The following FCHSD2 variants were observed in gnomAD, a reference collection of about 807,000 sequenced individuals.
The protein encoded by FCHSD2 is F-BAR and double SH3 domains protein 2.
Under a neutral mutation model 108.1 loss-of-function variants are expected in FCHSD2, and 38 were observed. That is an observed-to-expected ratio of 0.35 (90% CI 0.27 to 0.46). The LOEUF (loss-of-function observed/expected upper bound fraction) is 0.46, where lower values mean the gene tolerates loss of function less well. Among genes scored for constraint, FCHSD2 ranks in the 20% least tolerant of loss-of-function variants. FCHSD2 has a pLI of 1.00. For synonymous variants in FCHSD2, 279 were observed against 314.7 expected (o/e 0.89, Z 1.20); for missense variants, 751 against 897.8 (o/e 0.84, Z 2.09).
chr11:72,894,844 CAT>C (rs1855386625), intron 10 of FCHSD2, among the ~76,000 whole-genome samples: 1 of 151,998 alleles, frequency 6.6e-6, no homozygotes, highest in Admixed American at 6.6e-5. Flanking sequence ...TGAAAATATT[CAT>C]ATGTTTCACT....
At chr11:72,966,719 T>C (rs372631550) in intron 8 of FCHSD2, among the ~76,000 whole-genome samples, 3 of 152,178 alleles carry the variant, frequency 2.0e-5, no homozygotes, top group African/African-American at 7.2e-5. Context: ...AAGTTTATAG[T>C]ACACTAAAGG....
At chr11:73,070,147 T>C (rs1859398202) in intron 3 of FCHSD2, among the ~76,000 whole-genome samples, 1 of 152,224 alleles carries the variant, frequency 6.6e-6, no homozygotes, top group Admixed American at 6.5e-5. Flanking sequence ...TAAACAAAGA[T>C]GTTCCTAGCC....
At chr11:73,018,944 A>G (rs529117284) in intron 3 of FCHSD2, among the ~76,000 whole-genome samples, 4 of 152,324 alleles carry the variant, frequency 2.6e-5, no homozygotes, top group South Asian at 2.1e-4. Flanking sequence ...AATTAAGTCA[A>G]GATCTCAGAA....
rs1467714429 is a variant in FCHSD2, at chr11:72,970,940, G to A, written c.705+13148C>T. On this transcript the variant is annotated intron_variant, in intron 8 of 19. Coordinates refer to ENST00000409418, the MANE Select transcript of FCHSD2 (RefSeq NM_014824.3). ...CAGAAGCTCCAGCTGACAGCCTCGG[G>A]AAGGTCTGAGTCAATAGGCAGCATT... Among the ~76,000 whole-genome samples the A allele has an allele frequency of 3.9e-5, 6 of 152,146 alleles. No homozygotes were observed. The East Asian group carries it at 9.6e-4, about 24-fold the overall frequency.
intron 8 of FCHSD2, among the ~76,000 whole-genome samples, chr11:72,926,827 T>A (rs1856085535): frequency 6.6e-6 from 1 of 152,202 alleles, no homozygotes; most frequent in South Asian, 2.1e-4. Flanking sequence ...CTTTTGTTGA[T>A]AGTTTTGAAT....
intron 8 of FCHSD2, among the ~76,000 whole-genome samples, chr11:72,966,700 G>A (rs1856913362): frequency 6.6e-6 from 1 of 152,020 alleles, no homozygotes; most frequent in African/African-American, 2.4e-5. Context: ...ACACAATTTT[G>A]CTTTCATGAA....
At chr11:73,022,674 T>C (rs1271322295) in intron 3 of FCHSD2, among the ~76,000 whole-genome samples, 1 of 152,150 alleles carries the variant, frequency 6.6e-6, no homozygotes, top group East Asian at 1.9e-4. Flanking sequence ...CCCAATATGA[T>C]CTATACATTC....
At chr11:72,902,726 T>C (rs1286832598) in intron 9 of FCHSD2, 88 bp from the exon 10 acceptor site, 2 of 754,268 alleles carry the variant, frequency 2.7e-6, no homozygotes, top group African/African-American at 3.5e-5. Flanking sequence ...TCTGCTATTT[T>C]CTATACAAAT....
intron 8 of FCHSD2, among the ~76,000 whole-genome samples, chr11:72,934,787 A>C (rs866149306): frequency 6.6e-6 from 1 of 152,208 alleles, no homozygotes; most frequent in Non-Finnish European, 1.5e-5. Flanking sequence ...TAATTTATCC[A>C]AATATACTTA....
At chr11:73,103,033 C>T (rs190118694) in intron 2 of FCHSD2, among the ~76,000 whole-genome samples, 1 of 152,182 alleles carries the variant, frequency 6.6e-6, no homozygotes, top group Admixed American at 6.5e-5. Flanking sequence ...CTGTATGATT[C>T]CATTTATATG....
intron 8 of FCHSD2, among the ~76,000 whole-genome samples, chr11:72,939,966 C>T (rs781275182): frequency 3.5e-4 from 53 of 152,132 alleles, no homozygotes; most frequent in Non-Finnish European, 6.6e-4. Context: ...GGAGTTTCTT[C>T]GAGAACATCT....
intron 2 of FCHSD2, among the ~76,000 whole-genome samples, chr11:73,095,142 T>C (rs1860045951): frequency 6.6e-6 from 1 of 152,206 alleles, no homozygotes; most frequent in South Asian, 2.1e-4. Context: ...TGTTCTTATT[T>C]CTTATTAATT....
chr11:72,840,366 T>C (rs1292903837), intron 19 of FCHSD2, among the ~76,000 whole-genome samples: 1 of 152,198 alleles, frequency 6.6e-6, no homozygotes, highest in African/African-American at 2.4e-5. Context: ...TCCGACTGGA[T>C]TACCGTGCAA....
intron 13 of FCHSD2, among the ~76,000 whole-genome samples, chr11:72,859,433 C>T (rs1176485516): frequency 6.6e-6 from 1 of 152,140 alleles, no homozygotes; most frequent in Non-Finnish European, 1.5e-5. Context: ...TTAATACTGG[C>T]CCCAAAGCAC....
intron 4 of FCHSD2, among the ~76,000 whole-genome samples, chr11:73,009,013 A>T (rs1331028088): frequency 6.6e-6 from 1 of 152,004 alleles, no homozygotes; most frequent in Non-Finnish European, 1.5e-5. Context: ...ATTTACATAG[A>T]AAGGAATGAA....
intron 5 of FCHSD2, among the ~76,000 whole-genome samples, chr11:72,999,436 C>T (rs1427491632): frequency 2.0e-5 from 3 of 151,138 alleles, no homozygotes; most frequent in Middle Eastern, 3.2e-3. Context: ...TCTCCTGTCT[C>T]AGCCTCCCGA....
chr11:72,882,416 G>T (rs1421193123), intron 12 of FCHSD2, among the ~76,000 whole-genome samples: 1 of 152,042 alleles, frequency 6.6e-6, no homozygotes, highest in Non-Finnish European at 1.5e-5. Flanking sequence ...GGATTATGGG[G>T]AAGGAGAAGA....
At chr11:73,097,384 A>ATT (rs201818849) in intron 2 of FCHSD2, among the ~76,000 whole-genome samples, 1 of 135,752 alleles carries the variant, frequency 7.4e-6, no homozygotes, top group African/African-American at 2.7e-5. Flanking sequence ...TTATTTATTT[A>ATT]TTTTTTTTTT....
At chr11:72,901,280 C>G (rs1855520403) in intron 10 of FCHSD2, among the ~76,000 whole-genome samples, 1 of 139,172 alleles carries the variant, frequency 7.2e-6, no homozygotes, top group Non-Finnish European at 1.5e-5. Flanking sequence ...GCCTGTGGCC[C>G]CAGCTAATCG....
Sources: gnomAD v4.1 joint callset for allele counts (sites outside exome capture counted in the v4.1 genomes callset) on GRCh38, gnomAD v4.1.1 for gene constraint, MANE v1.5 for transcripts, NCBI Gene and HGNC (gene_info 2026-07-23, HGNC 2026-07-21) for gene names.